Variants in HOGA1 observed in about 807,000 individuals in gnomAD.
HOGA1 encodes the protein 4-hydroxy-2-oxoglutarate aldolase 1.
In HOGA1, 30 loss-of-function variants were observed where a neutral mutation model predicts 34.3. That is an observed-to-expected ratio of 0.87 (90% CI 0.65 to 1.19). The LOEUF (loss-of-function observed/expected upper bound fraction) is 1.19, where lower values mean the gene tolerates loss of function less well. Ranked by LOEUF, HOGA1 falls within the 50% of genes most tolerant of loss-of-function variation. HOGA1 has a pLI of 0.00. For synonymous variants in HOGA1, 161 were observed against 174.0 expected, an observed-to-expected ratio of 0.93 and a Z score of 0.59; for missense variants, 417 against 436.5, an observed-to-expected ratio of 0.96 and a Z score of 0.40.
intron 1 of HOGA1, among the ~76,000 whole-genome samples, chr10:97,598,554 C>T (rs1589907472): frequency 2.0e-5 from 3 of 152,282 alleles, no homozygotes; most frequent in Admixed American, 2.0e-4. Flanking sequence ...CTGCAGCAAG[C>T]TATGGTTGAG....
Position 97,586,834 on chromosome 10 carries a change from G to A in HOGA1, c.211+1920G>A, listed in dbSNP as rs983171811. Among the ~76,000 whole-genome samples, 4 of 152,104 alleles carry A rather than the reference G, an allele frequency of 2.6e-5. No homozygotes were observed. The South Asian group carries it at 6.2e-4, about 24-fold the overall frequency. On this transcript the variant is annotated intron_variant, in intron 1 of 6. Coordinates refer to ENST00000370646, the MANE Select transcript of HOGA1 (RefSeq NM_138413.4). ...ACATACCCACTTGTCTGTCTCCCTC[G>A]CAACCTATGCAGGCTCCAGCTCCCA...
At chr10:97,608,322 T>A (rs548792957) in intron 6 of HOGA1, among the ~76,000 whole-genome samples, 2 of 151,822 alleles carry the variant, frequency 1.3e-5, no homozygotes, top group East Asian at 3.9e-4. Context: ...AAAAAAGAAA[T>A]TTAAAAAATA....
At chr10:97,589,021 G>C (rs966200122) in intron 1 of HOGA1, among the ~76,000 whole-genome samples, 43 of 152,250 alleles carry the variant, frequency 2.8e-4, no homozygotes, top group Admixed American at 1.6e-3. Context: ...CTATTTATGG[G>C]GGGGCAAATT....
At chr10:97,590,248 A>T (rs764677438) in intron 1 of HOGA1, 2 of 1,613,752 alleles carry the variant, frequency 1.2e-6, no homozygotes, top group Non-Finnish European at 1.7e-6. Context: ...GAAAAGCCCC[A>T]TCCACTGATG....
At chr10:97,589,827 T>G (rs2041003489) in intron 1 of HOGA1, 1 of 1,242,238 alleles carries the variant, frequency 8.0e-7, no homozygotes, top group Admixed American at 1.9e-5. Context: ...GAGACCTTCT[T>G]GGAGCTCATC....
intron 5 of HOGA1, among the ~76,000 whole-genome samples, chr10:97,601,150 C>T (rs758400814): frequency 4.6e-5 from 7 of 152,192 alleles, no homozygotes; most frequent in Non-Finnish European, 1.0e-4. Flanking sequence ...ATTCCACAAA[C>T]AACAGCTCTA....
In HOGA1 at chr10:97,584,880, G is replaced by T. The variant is rs1487446990; in HGVS notation, c.177G>T (p.Glu59Asp). Residue 59 changes from glutamate (E) to aspartate (D), a missense_variant, in exon 1 of 7, where the codon GAG becomes GAT. Transcript: ENST00000370646. ...AGGTGGACTATGGGAAACTGGAGGA[G>T]AATCTGCACAAACTGGGCACCTTCC... is the stretch of plus-strand genomic sequence containing the variant. ...TAEVDYGKLE[E>D]NLHKLGTFPF... 1 of 1,614,200 alleles carries T rather than the reference G, an allele frequency of 6.2e-7. No individual in the cohort carries two copies. The highest frequency in any genetic ancestry group is 2.2e-5 in the East Asian group (1 of 44,870).
chr10:97,592,977 C>G (rs1286337023), intron 1 of HOGA1, among the ~76,000 whole-genome samples: 3 of 137,018 alleles, frequency 2.2e-5, no homozygotes, highest in Non-Finnish European at 3.0e-5. Context: ...TTGCAGTGAA[C>G]AGTGATCGCT....
In HOGA1 at chr10:97,585,052, G is replaced by T. The variant is rs568727907; in HGVS notation, c.211+138G>T. The T allele has an allele frequency of 3.2e-5, 23 of 716,144 alleles. No homozygotes were observed. In the African/African-American group the frequency reaches 3.7e-4, roughly 11 times the overall value. 44.4% of individuals were successfully genotyped at this position (716,144 alleles called of 1,614,324 possible). The stretch of plus-strand genomic sequence containing the variant: ...AGTGGGTCATTTTATTATGGGAGAG[G>T]AACAGGGGAGACTGGTCTGGAGTCA... On this transcript the variant is annotated intron_variant, in intron 1 of 6. Transcript: ENST00000370646.
intron 1 of HOGA1, among the ~76,000 whole-genome samples, chr10:97,587,355 G>A (rs1306311759): frequency 1.3e-5 from 2 of 152,160 alleles, no homozygotes; most frequent in African/African-American, 4.8e-5. Flanking sequence ...GGGAGGCCAA[G>A]GCAGGAGGAT....
intron 6 of HOGA1, among the ~76,000 whole-genome samples, chr10:97,607,629 A>G (rs1457091799): frequency 6.6e-6 from 1 of 152,086 alleles, no homozygotes; most frequent in Non-Finnish European, 1.5e-5. Context: ...TGCCTTCCAG[A>G]GTCTTCTTAT....
chr10:97,601,511 G>T (rs1208505028), intron 5 of HOGA1, among the ~76,000 whole-genome samples: 3 of 152,160 alleles, frequency 2.0e-5, no homozygotes, highest in African/African-American at 7.2e-5. Context: ...TGAGTCAGGG[G>T]GCTATTGGAG....
At chr10:97,599,272 G>A in intron 3 of HOGA1, 56 bp downstream of exon 3, 2 of 1,605,650 alleles carry the variant, frequency 1.2e-6, no homozygotes, top group Non-Finnish European at 1.7e-6. Flanking sequence ...GGAGATAAGG[G>A]AAGCTGGGAA....
intron 1 of HOGA1, among the ~76,000 whole-genome samples, chr10:97,598,497 G>A (rs1181333927): frequency 6.6e-6 from 1 of 152,182 alleles, no homozygotes; most frequent in Non-Finnish European, 1.5e-5. Flanking sequence ...GCTTAAAATT[G>A]TAATAACCTT....
chr10:97,599,278 G>A (rs754248858), intron 3 of HOGA1, 62 bp downstream of exon 3: 19 of 1,597,298 alleles, frequency 1.2e-5, no homozygotes, highest in Admixed American at 8.4e-5. Context: ...AAGGGAAGCT[G>A]GGAATAGGGT....
chr10:97,608,698 A>G (rs140246501), intron 6 of HOGA1, among the ~76,000 whole-genome samples: 2,859 of 152,040 alleles, frequency 0.019, 86 homozygotes, highest in African/African-American at 0.065. Flanking sequence ...CCAGCTACTC[A>G]GGAGACTGAG....
intron 1 of HOGA1, chr10:97,589,762 C>T (rs1326783871): frequency 2.8e-6 from 2 of 708,334 alleles, no homozygotes; most frequent in East Asian, 2.5e-5. Flanking sequence ...ATGAATCATA[C>T]CACCAGAGAT....
chr10:97,611,371 TG>T, intron 6 of HOGA1, 138 bp from the exon 7 acceptor site: 2 of 887,184 alleles, frequency 2.3e-6, no homozygotes, highest in Non-Finnish European at 3.6e-6. Flanking sequence ...CAATGTACCC[TG>T]GGTGCCATAG....
Position 97,600,147 on chromosome 10 carries a change from G to A in HOGA1, c.684G>A (p.Met228Ile). 2.5e-6 allele frequency: 4 copies of A among 1,613,964 alleles called. No individual in the cohort carries two copies. Among genetic ancestry groups the A allele is most frequent in the Non-Finnish European group, 3.4e-6 (4 of 1,179,878 alleles). The change falls in exon 5 of 7, where the codon ATG becomes ATA. Residue 228 changes from methionine to isoleucine, a missense_variant. By Grantham distance (10) the Met-to-Ile change is conservative (BLOSUM62 1). Coordinates refer to ENST00000370646, the MANE Select transcript of HOGA1 (RefSeq NM_138413.4). ...TGGCTGGATCGGCTGGCTTTCTGAT[G>A]GCCAGCTATGCCTTGGGTAGGCCGC... ...QVLAGSAGFLMASYALGAVGG... is the reference protein window; with the variant it reads ...QVLAGSAGFLIASYALGAVGG...
Sources: gnomAD v4.1 joint callset for allele counts (sites outside exome capture counted in the v4.1 genomes callset) on GRCh38, gnomAD v4.1.1 for gene constraint, MANE v1.5 for transcripts, NCBI Gene and HGNC (gene_info 2026-07-23, HGNC 2026-07-21) for gene names.